Variants in MYO3A observed in about 807,000 individuals in gnomAD.
The protein encoded by MYO3A is myosin-IIIa.
A neutral mutation model predicts 192.7 loss-of-function variants in MYO3A; 180 were observed. The observed-to-expected ratio is 0.93, with a 90% CI of 0.83 to 1.06. The LOEUF (loss-of-function observed/expected upper bound fraction) is 1.06. Ranked by LOEUF, MYO3A falls within the 50% of genes least tolerant of loss-of-function variation. The pLI is 0.00. For missense variants in MYO3A, 1,896 were observed against 1,905.0 expected, an observed-to-expected ratio of 1.00 and a Z score of 0.09; for synonymous variants, 628 against 645.3, an observed-to-expected ratio of 0.97 and a Z score of 0.41.
chr10:26,174,465 G>C lies in MYO3A; in HGVS notation c.4201G>C (p.Glu1401Gln). 6.2e-7 allele frequency: 1 copy of C among 1,614,156 alleles called. No homozygotes were observed. The highest frequency in any genetic ancestry group is 8.5e-7 in the Non-Finnish European group (1 of 1,180,026). ...HNLYSYPTKH[E>Q]EINNIKKKDN... ...TTTGTATTCCTATCCCACAAAACAT[G>C]AGGAAATCAATAACATCAAGAAGAA... The change falls in exon 30 of 35, where the codon GAG (glutamate) becomes CAG (glutamine). Residue 1401 changes from glutamate to glutamine, a missense_variant. Physicochemically the swap from Glu to Gln is conservative, Grantham distance 29. Coordinates refer to ENST00000642920, the MANE Select transcript of MYO3A (RefSeq NM_017433.5).
Position 25,954,930 on chromosome 10 carries a change from C to T in MYO3A, c.225C>T (p.His75=), listed in dbSNP as rs1029832706. The part of the protein sequence containing the change: ...EYNILKALSD[H]PNVVRFYGIY... Reference sequence around the variant, plus strand: ...ACATCTTAAAAGCACTTTCTGACCACCCTAATGTGGTCAGATTCTATGGGA... The same window carrying T: ...ACATCTTAAAAGCACTTTCTGACCATCCTAATGTGGTCAGATTCTATGGGA... Residue 75 remains histidine (H), a synonymous_variant, in exon 4 of 35, where the codon CAC becomes CAT. Transcript: ENST00000642920. 6.2e-7 allele frequency: 1 copy of T among 1,612,214 alleles called. No individual in the cohort carries two copies. The highest frequency in any genetic ancestry group is 8.5e-7 in the Non-Finnish European group (1 of 1,178,698).
chr10:26,125,431 T>C lies in MYO3A; in HGVS notation c.1937T>C (p.Leu646Pro). ...ASLLCIRADELQEALTSHCVV... is the reference protein window; with the variant it reads ...ASLLCIRADEPQEALTSHCVV... Reference sequence around the variant, plus strand: ...TTGCTTTGCATTCGGGCAGATGAGCTACAAGAAGCTCTCACCTCCCACTGT... The same window carrying C: ...TTGCTTTGCATTCGGGCAGATGAGCCACAAGAAGCTCTCACCTCCCACTGT... Residue 646 changes from leucine (L) to proline (P), a missense_variant, in exon 19 of 35, where the codon CTA becomes CCA. Physicochemically the swap from Leu to Pro is moderately conservative, Grantham distance 98 (BLOSUM62 -3). Transcript: ENST00000642920. 2 of 1,614,078 alleles carry C rather than the reference T, an allele frequency of 1.2e-6. No individual in the cohort carries two copies. Among genetic ancestry groups the C allele is most frequent in the Non-Finnish European group, 1.7e-6 (2 of 1,179,942 alleles).
rs1036610837 is a variant in MYO3A, at chr10:25,956,607, G to T, written c.303+1599G>T. ...GATCCACCTATCTCGACCTCCTAAA[G>T]TGCCTGGTCTCCATTATGGTTTTTA... is the stretch of plus-strand genomic sequence containing the variant. On this transcript the variant is annotated intron_variant, in intron 4 of 34. Transcript: ENST00000642920. Among the ~76,000 whole-genome samples, 3 of 150,740 alleles carry T rather than the reference G, an allele frequency of 2.0e-5. No homozygotes were observed. In the East Asian group the frequency reaches 5.8e-4, roughly 29 times the overall value.
At chr10:25,965,579 T>G (rs945457290) in intron 4 of MYO3A, among the ~76,000 whole-genome samples, 1 of 152,094 alleles carries the variant, frequency 6.6e-6, no homozygotes, top group Admixed American at 6.5e-5. Flanking sequence ...CCGAGTCCAC[T>G]GTCTCTGGGC....
At chr10:26,020,004 C>A (rs1236130621) in intron 7 of MYO3A, among the ~76,000 whole-genome samples, 1 of 151,554 alleles carries the variant, frequency 6.6e-6, no homozygotes, top group Non-Finnish European at 1.5e-5. Flanking sequence ...ATGATGATGT[C>A]CCATCAAACT....
chr10:26,157,246 G>A, intron 25 of MYO3A, 64 bp from the exon 26 acceptor site: 1 of 1,407,564 alleles, frequency 7.1e-7, no homozygotes, highest in South Asian at 1.2e-5. Flanking sequence ...TAAAAAGAAA[G>A]GCCTACAAGC....
chr10:25,935,681 A>G (rs1418863116), intron 1 of MYO3A, 63 bp from the exon 2 acceptor site: 2 of 152,100 alleles, frequency 1.3e-5, no homozygotes, highest in African/African-American at 2.4e-5. Context: ...ACTTCTGATT[A>G]TTTTCCCCAG....
rs148349532 is a variant in MYO3A, at chr10:26,016,857, G to T, written c.546G>T (p.Arg182=). 2,210 of 1,614,184 alleles carry T rather than the reference G, an allele frequency of 1.4e-3. 6 individuals carry two copies. The highest frequency in any genetic ancestry group is 1.7e-3 in the Non-Finnish European group (1,964 of 1,180,024). Residue 182 remains arginine (R), a synonymous_variant, in exon 7 of 35, where the codon CGG becomes CGT. Transcript: ENST00000642920. ...SAQLTSTRHR[R]NTSVGTPFWM... is the part of the protein sequence containing the mutation. ...AGCTCACCAGTACCCGGCACCGTCG[G>T]AACACATCCGTAGGAACACCGTTTT...
At chr10:25,996,422 G>A (rs980003542) in intron 4 of MYO3A, 68 bp from the exon 5 acceptor site, 10 of 1,344,770 alleles carry the variant, frequency 7.4e-6, no homozygotes, top group African/African-American at 1.4e-5. Context: ...TGTCTTGGAA[G>A]AACTTTTCTA....
At chr10:25,990,906 C>T (rs1264149798) in intron 4 of MYO3A, among the ~76,000 whole-genome samples, 2 of 152,072 alleles carry the variant, frequency 1.3e-5, no homozygotes, top group Non-Finnish European at 2.9e-5. Flanking sequence ...TTAATCCAGT[C>T]TATCATTGTT....
At position 26,157,336 on chromosome 10, in the gene MYO3A, A is replaced by T. The variant is rs139940076; in HGVS notation, c.2820A>T (p.Lys940Asn). 6 of 1,614,076 alleles carry T rather than the reference A, an allele frequency of 3.7e-6. No individual in the cohort carries two copies. In the African/African-American group the frequency reaches 8.0e-5, roughly 22 times the overall value. Reference protein sequence around the residue: ...FRYSLMDLLSKMVVGQPHFVR... With the variant: ...FRYSLMDLLSNMVVGQPHFVR... Reference sequence around the variant, plus strand: ...ATTCCCTGATGGATTTGTTGTCTAAAATGGTGGTGGGCCAACCTCATTTTG... The same window carrying T: ...ATTCCCTGATGGATTTGTTGTCTAATATGGTGGTGGGCCAACCTCATTTTG... Residue 940 changes from lysine (K) to asparagine (N), a missense_variant, in exon 26 of 35, where the codon AAA becomes AAT. Coordinates refer to ENST00000642920, the MANE Select transcript of MYO3A (RefSeq NM_017433.5).
chr10:26,181,587 C>T (rs780570603), intron 31 of MYO3A, among the ~76,000 whole-genome samples: 4 of 151,952 alleles, frequency 2.6e-5, no homozygotes, highest in Non-Finnish European at 5.9e-5. Context: ...GGAAAATAAG[C>T]ATATATATGA....
intron 4 of MYO3A, among the ~76,000 whole-genome samples, chr10:25,956,078 T>A (rs774573712): frequency 4.0e-4 from 61 of 152,150 alleles, no homozygotes; most frequent in Non-Finnish European, 2.4e-4. Flanking sequence ...CGCTGTGTTC[T>A]CACATGGCAG....
chr10:25,980,119 C>T lies in MYO3A; in HGVS notation c.304-16371C>T, dbSNP rs185549726. ...AGGCGTGGTGGCAGGCGCCTGTAGTCCCAGCTACTCGGGAGGCTGAGGCAG... is the reference window on the plus strand; with the variant it reads ...AGGCGTGGTGGCAGGCGCCTGTAGTTCCAGCTACTCGGGAGGCTGAGGCAG... On this transcript the variant is annotated intron_variant, in intron 4 of 34. Coordinates refer to ENST00000642920, the MANE Select transcript of MYO3A (RefSeq NM_017433.5). Among the ~76,000 whole-genome samples the T allele has an allele frequency of 4.1e-3, 619 of 152,090 alleles. 6 individuals are homozygous for T. The highest frequency in any genetic ancestry group is 0.014 in the African/African-American group (582 of 41,490).
intron 32 of MYO3A, among the ~76,000 whole-genome samples, chr10:26,194,208 G>T (rs1843290439): frequency 6.6e-6 from 1 of 152,082 alleles, no homozygotes; most frequent in Non-Finnish European, 1.5e-5. Flanking sequence ...ATCCTCTCCA[G>T]CCTGCACCTG....
chr10:26,008,498 A>G lies in MYO3A; in HGVS notation c.509-8322A>G, dbSNP rs1004826492. On this transcript the variant is annotated intron_variant, in intron 6 of 34. Transcript: ENST00000642920. ...CAACCTACTCGTCTGACAAAGGGCT[A>G]ATATCCAGAATCTACAATGAACAAA... Among the ~76,000 whole-genome samples, 34 of 148,212 alleles carry G rather than the reference A, an allele frequency of 2.3e-4. 5 individuals carry two copies. The highest frequency in any genetic ancestry group is 8.6e-4 in the African/African-American group (33 of 38,246).
chr10:26,031,538 T>A (rs1226846438), intron 10 of MYO3A, among the ~76,000 whole-genome samples: 1 of 152,226 alleles, frequency 6.6e-6, no homozygotes, highest in African/African-American at 2.4e-5. Context: ...TCAGCTCACT[T>A]CCAGTTTCTA....
rs727504688 is a variant in MYO3A at position 26,201,286 on chromosome 10, C to T, written c.4567C>T (p.Arg1523Ter). Residue 1523 changes from arginine to a stop codon, truncating the protein, a stop_gained, in exon 33 of 35, where the codon CGA becomes TGA. Coordinates refer to ENST00000642920, the MANE Select transcript of MYO3A (RefSeq NM_017433.5). LOFTEE classifies it high-confidence loss of function. ...TTAGAAGTCAATCCAAGAAGAAAAA[C>T]GAAGACCAAGGAAAGACAGGTAATT... ...LLHKSIQEEK[R>*]RPRKDSQGKL... 5.1e-6 allele frequency: 8 copies of T among 1,578,808 alleles called. No homozygotes were observed. The highest frequency in any genetic ancestry group is 1.4e-5 in the African/African-American group (1 of 74,000).
At chr10:26,022,516 G>A (rs1019322710) in intron 8 of MYO3A, 10 of 152,016 alleles carry the variant, frequency 6.6e-5, no homozygotes, top group Non-Finnish European at 1.3e-4. Context: ...TGAATTTCTT[G>A]TCCTATCTAG....
Sources: gnomAD v4.1 joint callset for allele counts (sites outside exome capture counted in the v4.1 genomes callset) on GRCh38, gnomAD v4.1.1 for gene constraint, MANE v1.5 for transcripts, NCBI Gene and HGNC (gene_info 2026-07-23, HGNC 2026-07-21) for gene names.